Variants in KHDRBS2 observed in about 807,000 individuals in gnomAD.
KHDRBS2 encodes KH domain-containing, RNA-binding, signal transduction-associated protein 2.
In KHDRBS2, 26 loss-of-function variants were observed where a neutral mutation model predicts 44.3. The observed-to-expected ratio is 0.59, with a 90% CI of 0.43 to 0.81. The LOEUF (loss-of-function observed/expected upper bound fraction) is 0.81. Ranked by LOEUF, KHDRBS2 falls within the 40% of genes least tolerant of loss-of-function variation. KHDRBS2 has a pLI of 0.00. For synonymous variants in KHDRBS2, 194 were observed against 151.1 expected, an observed-to-expected ratio of 1.28 and a Z score of -2.08; for missense variants, 476 against 433.1, an observed-to-expected ratio of 1.10 and a Z score of -0.88.
At chr6:62,046,108 C>T (rs558141506) in intron 3 of KHDRBS2, among the ~76,000 whole-genome samples, 1 of 151,686 alleles carries the variant, frequency 6.6e-6, no homozygotes, top group East Asian at 1.9e-4. Flanking sequence ...ATGGATCACA[C>T]AAAGAGTAAT....
intron 2 of KHDRBS2, among the ~76,000 whole-genome samples, chr6:62,067,008 A>C (rs192384240): frequency 5.1e-4 from 78 of 151,678 alleles, no homozygotes; most frequent in Admixed American, 4.5e-3. Flanking sequence ...TAAAAAGTTA[A>C]TTTTGTAACT....
chr6:61,860,691 T>C (rs1245618037), intron 6 of KHDRBS2, among the ~76,000 whole-genome samples: 4 of 152,086 alleles, frequency 2.6e-5, no homozygotes, highest in Non-Finnish European at 4.4e-5. Flanking sequence ...TGCATGCATG[T>C]GTCTTTAAAA....
At chr6:62,207,510 C>T (rs1035904058) in intron 1 of KHDRBS2, among the ~76,000 whole-genome samples, 4 of 152,090 alleles carry the variant, frequency 2.6e-5, no homozygotes, top group African/African-American at 9.7e-5. Flanking sequence ...ACCAATTTAT[C>T]TTACAAACTG....
the KHDRBS2 span, among the ~76,000 whole-genome samples, chr6:61,651,701 C>T: frequency 2.0e-5 from 3 of 152,082 alleles, no homozygotes; most frequent in East Asian, 1.9e-4. Context: ...GCTCACAATC[C>T]TTGTCATTAA....
intron 3 of KHDRBS2, among the ~76,000 whole-genome samples, chr6:62,044,034 C>A (rs1787130429): frequency 6.6e-6 from 1 of 151,992 alleles, no homozygotes; most frequent in Admixed American, 6.6e-5. Context: ...AATATTGAAT[C>A]TATTCTTGAA....
At chr6:61,739,991 A>G (rs563924322) in intron 6 of KHDRBS2, among the ~76,000 whole-genome samples, 209 of 152,014 alleles carry the variant, frequency 1.4e-3, no homozygotes, top group African/African-American at 4.8e-3. Flanking sequence ...ATTCCTAAAA[A>G]TTTTACAAAT....
At chr6:61,911,202 A>C (rs1402215165) in intron 4 of KHDRBS2, among the ~76,000 whole-genome samples, 2 of 152,186 alleles carry the variant, frequency 1.3e-5, no homozygotes, top group African/African-American at 4.8e-5. Context: ...TGGACGTGGA[A>C]AATTTATATA....
At chr6:61,908,905 T>C (rs992105152) in intron 4 of KHDRBS2, among the ~76,000 whole-genome samples, 2 of 152,024 alleles carry the variant, frequency 1.3e-5, no homozygotes, top group African/African-American at 2.4e-5. Flanking sequence ...AAATAAAATA[T>C]CCACACTCAA....
the KHDRBS2 span, among the ~76,000 whole-genome samples, chr6:61,640,541 G>T: frequency 1.3e-5 from 2 of 152,028 alleles, no homozygotes; most frequent in African/African-American, 4.8e-5. Flanking sequence ...GCTATTGAAT[G>T]CTTAGTGAGT....
chr6:62,161,350 A>C (rs1015455926), intron 2 of KHDRBS2, among the ~76,000 whole-genome samples: 1 of 151,620 alleles, frequency 6.6e-6, no homozygotes, highest in Admixed American at 6.6e-5. Context: ...ATTTAAAAAA[A>C]TTGAAAAAAT....
chr6:62,070,347 C>A (rs1029238877), intron 2 of KHDRBS2, among the ~76,000 whole-genome samples: 5 of 134,882 alleles, frequency 3.7e-5, no homozygotes, highest in African/African-American at 1.4e-4. Flanking sequence ...TTTTTTTTTT[C>A]TTTTATTATA....
chr6:61,588,583 G>T, the KHDRBS2 span, among the ~76,000 whole-genome samples: 1 of 152,110 alleles, frequency 6.6e-6, no homozygotes, highest in African/African-American at 2.4e-5. Context: ...GGGAGTTTGA[G>T]ATCAACCTGG....
At chr6:61,577,978 T>C in the KHDRBS2 span, among the ~76,000 whole-genome samples, 226 of 152,260 alleles carry the variant, frequency 1.5e-3, 1 homozygote, top group African/African-American at 5.2e-3. Context: ...TTGAGAACTA[T>C]TTACTTTTAA....
chr6:61,722,168 G>T (rs1350661773), intron 7 of KHDRBS2, among the ~76,000 whole-genome samples: 2 of 152,084 alleles, frequency 1.3e-5, no homozygotes, highest in Non-Finnish European at 2.9e-5. Context: ...ATGTGCTGCT[G>T]GATTCGGTTT....
chr6:61,638,812 G>T, the KHDRBS2 span, among the ~76,000 whole-genome samples: 2 of 152,198 alleles, frequency 1.3e-5, no homozygotes, highest in Non-Finnish European at 2.9e-5. Context: ...GAAAAGTTTG[G>T]AGTTTGAGGT....
intron 6 of KHDRBS2, among the ~76,000 whole-genome samples, chr6:61,859,704 T>C (rs892922625): frequency 6.6e-6 from 1 of 151,882 alleles, no homozygotes; most frequent in Non-Finnish European, 1.5e-5. Context: ...ATCATGAATA[T>C]GAATCAACAT....
At chr6:61,795,216 A>C (rs1175111128) in intron 6 of KHDRBS2, among the ~76,000 whole-genome samples, 1 of 151,890 alleles carries the variant, frequency 6.6e-6, no homozygotes, top group Admixed American at 6.6e-5. Flanking sequence ...AATTATACAC[A>C]TAGGTCTCAA....
intron 4 of KHDRBS2, among the ~76,000 whole-genome samples, chr6:61,959,090 T>C (rs1368691647): frequency 6.6e-6 from 1 of 152,190 alleles, no homozygotes; most frequent in Non-Finnish European, 1.5e-5. Flanking sequence ...GTCCACAATG[T>C]TTAAACATTT....
At chr6:61,999,432 G>A (rs143926010) in intron 3 of KHDRBS2, among the ~76,000 whole-genome samples, 40 of 152,124 alleles carry the variant, frequency 2.6e-4, no homozygotes, top group Non-Finnish European at 5.2e-4. Flanking sequence ...GAGTAATAAC[G>A]CTGATATAAC....
Sources: allele counts gnomAD v4.1 joint callset (sites outside exome capture counted in the v4.1 genomes callset), GRCh38; gene constraint gnomAD v4.1.1; transcripts MANE v1.5; gene names NCBI Gene and HGNC (gene_info 2026-07-23, HGNC 2026-07-21).